Variants in CACNB2 observed in about 807,000 individuals in gnomAD.
CACNB2 encodes the protein calcium voltage-gated channel auxiliary subunit beta 2.
In CACNB2, 42 loss-of-function variants were observed where a neutral mutation model predicts 73.3. The ratio of observed to expected loss-of-function variants is 0.57; its 90% CI spans 0.45 to 0.74. The LOEUF is 0.74. CACNB2 is among the 30% of genes least tolerant of loss of function. CACNB2 has a pLI of 0.00. For synonymous variants in CACNB2, 348 were observed against 310.3 expected, an observed-to-expected ratio of 1.12 and a Z score of -1.28; for missense variants, 940 against 853.0, an observed-to-expected ratio of 1.10 and a Z score of -1.27.
intron 2 of CACNB2, chr10:18,260,429 A>G (rs1237313277): frequency 1.0e-6 from 1 of 985,340 alleles, no homozygotes. Flanking sequence ...GCTTTAACCC[A>G]GAAAATGAAC....
At chr10:18,411,153 C>A (rs2044604766) in intron 3 of CACNB2, among the ~76,000 whole-genome samples, 1 of 152,132 alleles carries the variant, frequency 6.6e-6, no homozygotes, top group Non-Finnish European at 1.5e-5. Flanking sequence ...TAAGCATGTA[C>A]CTTTCAAGTA....
rs904766508 is a variant in CACNB2 at position 18,520,879 on chromosome 10, CTG to C, written c.944+1915_944+1916del. The stretch of plus-strand genomic sequence containing the variant: ...ACACATACACATGCACACATTTGTT[CTG>C]TGTCTCTCCTTTCCCTCTGTTTTCT... On this transcript the variant is annotated intron_variant, in intron 9 of 13. Transcript: ENST00000324631. 4.8e-4 allele frequency among the ~76,000 whole-genome samples: 73 copies of C among 152,308 alleles called. 1 individual carries two copies. Among genetic ancestry groups the C allele is most frequent in the African/African-American group, 1.7e-3 (72 of 41,560 alleles).
chr10:18,261,393 T>C (rs997069433), intron 2 of CACNB2: 9 of 1,548,736 alleles, frequency 5.8e-6, no homozygotes, highest in Non-Finnish European at 7.9e-6. Flanking sequence ...ATGTTGCCTC[T>C]TTCAGCTGTT....
chr10:18,421,873 C>T (rs752699684), intron 3 of CACNB2, among the ~76,000 whole-genome samples: 1 of 152,082 alleles, frequency 6.6e-6, no homozygotes, highest in Non-Finnish European at 1.5e-5. Flanking sequence ...GGGTGTATTC[C>T]TTTGCTCTCA....
At chr10:18,191,348 T>C (rs746042323) in intron 2 of CACNB2, among the ~76,000 whole-genome samples, 4 of 152,318 alleles carry the variant, frequency 2.6e-5, no homozygotes, top group Non-Finnish European at 5.9e-5. Flanking sequence ...CTGCCCCCCG[T>C]GTATTGCTGC....
At chr10:18,436,589 A>G (rs2046148103) in intron 3 of CACNB2, among the ~76,000 whole-genome samples, 1 of 152,212 alleles carries the variant, frequency 6.6e-6, no homozygotes. Flanking sequence ...TATAGTCAGA[A>G]GTACTGTTGC....
chr10:18,539,390 C>G lies in CACNB2; in HGVS notation c.1649C>G (p.Ser550Cys). ...CGCAGTGGGACAAGTCGCGGCCTCT[C>G]CAGGCAAGAGACATTTGACTCGGAA... ...NHRSGTSRGL[S>C]RQETFDSETQ... is the part of the protein sequence containing the mutation. The change falls in exon 14 of 14, where the codon TCC (serine) becomes TGC (cysteine). Residue 550 changes from serine to cysteine, a missense_variant. Ser to Cys is a moderately radical substitution (Grantham distance 112, BLOSUM62 -1). Transcript: ENST00000324631. The G allele has an allele frequency of 1.9e-6, 3 of 1,614,132 alleles. No homozygotes were observed. The highest frequency in any genetic ancestry group is 2.2e-5 in the South Asian group (2 of 91,072).
At chr10:18,334,826 G>A (rs541016461) in intron 2 of CACNB2, among the ~76,000 whole-genome samples, 1 of 152,300 alleles carries the variant, frequency 6.6e-6, no homozygotes, top group African/African-American at 2.4e-5. Context: ...TGGTGTGCCA[G>A]ATGTGTACTA....
At chr10:18,329,612 G>A (rs967073156) in intron 2 of CACNB2, among the ~76,000 whole-genome samples, 3 of 151,642 alleles carry the variant, frequency 2.0e-5, no homozygotes, top group Non-Finnish European at 4.4e-5. Flanking sequence ...TTTGCACTAA[G>A]TGTGCGTTTA....
At chr10:18,396,104 C>T (rs1222568069) in intron 2 of CACNB2, among the ~76,000 whole-genome samples, 2 of 150,706 alleles carry the variant, frequency 1.3e-5, no homozygotes, top group South Asian at 2.1e-4. Context: ...CCACAGGCAC[C>T]TGCCACCACG....
At chr10:18,470,478 ATATT>A (rs1335325420) in intron 3 of CACNB2, among the ~76,000 whole-genome samples, 1 of 150,662 alleles carries the variant, frequency 6.6e-6, no homozygotes, top group Non-Finnish European at 1.5e-5. Context: ...TGTATTGTAT[ATATT>A]ACATATGATA....
intron 2 of CACNB2, among the ~76,000 whole-genome samples, chr10:18,347,497 T>A (rs1008030667): frequency 1.3e-5 from 2 of 151,966 alleles, no homozygotes; most frequent in Non-Finnish European, 2.9e-5. Context: ...AGCCAAGATT[T>A]TATTCTTAAT....
In CACNB2 at chr10:18,518,983, A is replaced by G; in HGVS notation, c.944+15A>G. 1 of 1,612,606 alleles carries G rather than the reference A, an allele frequency of 6.2e-7. No homozygotes were observed. ...TTTGAAGGGCGGTGAGTATTTCAGC[A>G]TACTGGGTTTTGTGGATTTTGTCTT... On this transcript the variant is annotated intron_variant, in intron 9 of 13. Transcript: ENST00000324631.
At chr10:18,173,712 C>T (rs1213281515) in intron 2 of CACNB2, among the ~76,000 whole-genome samples, 2 of 152,068 alleles carry the variant, frequency 1.3e-5, no homozygotes, top group African/African-American at 4.8e-5. Flanking sequence ...TTCTTCTAAC[C>T]TTTTAGTATG....
intron 2 of CACNB2, among the ~76,000 whole-genome samples, chr10:18,158,075 G>C (rs761486292): frequency 6.6e-6 from 1 of 152,114 alleles, no homozygotes; most frequent in Non-Finnish European, 1.5e-5. Context: ...TCCCACAAAA[G>C]TCATAGGAAC....
At chr10:18,174,097 G>A (rs1398424704) in intron 2 of CACNB2, among the ~76,000 whole-genome samples, 1 of 152,096 alleles carries the variant, frequency 6.6e-6, no homozygotes, top group Admixed American at 6.6e-5. Flanking sequence ...AAATTTTCTT[G>A]TCTTTGCTTA....
At chr10:18,406,010 G>T (rs918648860) in intron 3 of CACNB2, among the ~76,000 whole-genome samples, 1 of 152,098 alleles carries the variant, frequency 6.6e-6, no homozygotes, top group Admixed American at 6.6e-5. Context: ...CTTCTTAGCC[G>T]AATAGAATAA....
intron 2 of CACNB2, among the ~76,000 whole-genome samples, chr10:18,379,645 A>T (rs764414741): frequency 6.6e-6 from 1 of 152,000 alleles, no homozygotes; most frequent in Non-Finnish European, 1.5e-5. Flanking sequence ...TTAAGCACTA[A>T]CTCTCCATTC....
intron 3 of CACNB2, among the ~76,000 whole-genome samples, chr10:18,403,714 G>C (rs948035942): frequency 6.6e-6 from 1 of 152,136 alleles, no homozygotes; most frequent in Non-Finnish European, 1.5e-5. Context: ...CGTGTTACTT[G>C]TCCTACAGCC....
Sources: allele counts gnomAD v4.1 joint callset (sites outside exome capture counted in the v4.1 genomes callset), GRCh38; gene constraint gnomAD v4.1.1; transcripts MANE v1.5; gene names NCBI Gene and HGNC (gene_info 2026-07-23, HGNC 2026-07-21).